The following PPIP5K2 variants were observed in gnomAD, a reference collection of about 807,000 sequenced individuals.
The protein encoded by PPIP5K2 is inositol hexakisphosphate and diphosphoinositol-pentakisphosphate kinase 2.
In PPIP5K2, 105 loss-of-function variants were observed where a neutral mutation model predicts 154.6. The observed-to-expected ratio is 0.68, with a 90% CI of 0.58 to 0.80. PPIP5K2 has a LOEUF of 0.80. Among genes scored for constraint, PPIP5K2 ranks in the 30% least tolerant of loss-of-function variants. The pLI, the probability that PPIP5K2 is intolerant of heterozygous loss-of-function variation, is 0.00. For missense variants in PPIP5K2, 992 were observed against 1,504.6 expected, an observed-to-expected ratio of 0.66 and a Z score of 5.64; for synonymous variants, 480 against 490.3, an observed-to-expected ratio of 0.98 and a Z score of 0.28.
chr5:103,201,833 T>G lies in PPIP5K2; in HGVS notation c.*199T>G. 2 of 521,238 alleles carry G rather than the reference T, an allele frequency of 3.8e-6. No homozygotes were observed. The highest frequency in any genetic ancestry group is 3.4e-5 in the East Asian group (1 of 29,182). 32.3% of individuals were successfully genotyped at this position (521,238 alleles called of 1,614,324 possible). On this transcript the variant is annotated 3_prime_UTR_variant, in exon 31 of 31. Coordinates refer to ENST00000358359, the MANE Select transcript of PPIP5K2 (RefSeq NM_001276277.3). ...AGCATTCTGTGAGCAGCAAAACTTA[T>G]AGTGATAAAAATCGATTGTTGTTAA...
chr5:103,194,806 C>A, intron 29 of PPIP5K2, 94 bp from the exon 30 acceptor site: 1 of 1,348,088 alleles, frequency 7.4e-7, no homozygotes, highest in Non-Finnish European at 1.0e-6. Context: ...TATGAATATT[C>A]GTAGGGTCAC....
intron 29 of PPIP5K2, among the ~76,000 whole-genome samples, chr5:103,193,671 C>CT (rs1249456353): frequency 6.6e-6 from 1 of 152,014 alleles, no homozygotes; most frequent in African/African-American, 2.4e-5. Context: ...TTAGTGACTA[C>CT]TTTTTATTTT....
intron 17 of PPIP5K2, among the ~76,000 whole-genome samples, chr5:103,162,420 TGGTGTGA>T (rs2149636715): frequency 6.6e-6 from 1 of 151,672 alleles, no homozygotes; most frequent in Admixed American, 6.6e-5. Context: ...GGGAGTGCAG[TGGTGTGA>T]TCATAGCTCA....
At chr5:103,143,468 C>A (rs1793191996) in intron 5 of PPIP5K2, among the ~76,000 whole-genome samples, 2 of 152,106 alleles carry the variant, frequency 1.3e-5, no homozygotes, top group African/African-American at 4.8e-5. Flanking sequence ...GACCATCATG[C>A]CCCGGCAGAA....
At chr5:103,176,981 A>ATCAACAAGTATCC in intron 21 of PPIP5K2, 1 of 1,183,114 alleles carries the variant, frequency 8.5e-7, no homozygotes, top group Non-Finnish European at 1.2e-6. Context: ...TAATAGGGAT[A>ATCAACAAGTATCC]CTTGTTGATA....
intron 23 of PPIP5K2, 69 bp downstream of exon 23, chr5:103,178,049 A>T: frequency 1.0e-6 from 1 of 962,636 alleles, no homozygotes; most frequent in East Asian, 2.4e-5. Context: ...TCTATAAGAG[A>T]TTTTTATAAT....
intron 5 of PPIP5K2, among the ~76,000 whole-genome samples, chr5:103,145,271 A>T (rs1793571256): frequency 6.6e-6 from 1 of 152,234 alleles, no homozygotes; most frequent in East Asian, 1.9e-4. Flanking sequence ...GTTTGTGAGG[A>T]TGTGGAGAAA....
At chr5:103,197,254 T>C (rs1233907580) in intron 30 of PPIP5K2, among the ~76,000 whole-genome samples, 1 of 152,132 alleles carries the variant, frequency 6.6e-6, no homozygotes, top group African/African-American at 2.4e-5. Context: ...GATTTTTGTT[T>C]CTTCCTTGAA....
intron 19 of PPIP5K2, among the ~76,000 whole-genome samples, chr5:103,169,142 G>T (rs535718669): frequency 6.6e-6 from 1 of 151,922 alleles, no homozygotes; most frequent in African/African-American, 2.4e-5. Context: ...TAACTAAAAT[G>T]CAATTAAGCA....
At chr5:103,123,471 C>T (rs1562352090) in intron 1 of PPIP5K2, among the ~76,000 whole-genome samples, 1 of 152,208 alleles carries the variant, frequency 6.6e-6, no homozygotes, top group Non-Finnish European at 1.5e-5. Context: ...ACAAGCCCTA[C>T]AGGTGATTCT....
chr5:103,179,822 C>T (rs1799236360), intron 23 of PPIP5K2, among the ~76,000 whole-genome samples, 199 bp from the exon 24 acceptor site: 1 of 151,996 alleles, frequency 6.6e-6, no homozygotes, highest in Admixed American at 6.6e-5. Context: ...TATTTTTGAA[C>T]TCAGAGACTC....
At chr5:103,165,047 A>G (rs530753396) in intron 17 of PPIP5K2, among the ~76,000 whole-genome samples, 1 of 152,212 alleles carries the variant, frequency 6.6e-6, no homozygotes, top group Admixed American at 6.6e-5. Context: ...GGAAAAGATA[A>G]TAATAGATGC....
intron 25 of PPIP5K2, 91 bp downstream of exon 25, chr5:103,183,498 C>A: frequency 9.3e-7 from 1 of 1,077,146 alleles, no homozygotes. Flanking sequence ...CCTTGTATTT[C>A]ACATCAGAGT....
chr5:103,122,236 A>G (rs1788892922), intron 1 of PPIP5K2, among the ~76,000 whole-genome samples: 1 of 152,220 alleles, frequency 6.6e-6, no homozygotes, highest in Admixed American at 6.5e-5. Flanking sequence ...TGGGGAGGAA[A>G]AAACCCAACC....
intron 23 of PPIP5K2, among the ~76,000 whole-genome samples, chr5:103,179,374 G>A (rs561106953): frequency 1.3e-5 from 2 of 151,920 alleles, no homozygotes; most frequent in African/African-American, 2.4e-5. Flanking sequence ...ATGGTCCAAC[G>A]TATGCATTAT....
intron 19 of PPIP5K2, 47 bp from the exon 20 acceptor site, chr5:103,173,108 A>C (rs782359138): frequency 2.7e-6 from 4 of 1,474,092 alleles, no homozygotes; most frequent in Non-Finnish European, 3.7e-6. Context: ...TTTTTAGAGT[A>C]CTTTGTCATT....
chr5:103,137,100 T>C (rs531790411), intron 4 of PPIP5K2, among the ~76,000 whole-genome samples: 3 of 152,288 alleles, frequency 2.0e-5, no homozygotes, highest in South Asian at 4.1e-4. Context: ...CCATTCAAAC[T>C]TATGAGCACT....
chr5:103,195,026 G>C lies in PPIP5K2; in HGVS notation c.3619+1G>C, dbSNP rs371558175. ...AGCACTAAAGCAAGCAGCAAACCAG[G>C]TAAGGGGTGTGTGTGTTGAGTTTGT... On this transcript the variant is annotated splice_donor_variant, in intron 30 of 30. Transcript: ENST00000358359. LOFTEE classifies it high-confidence loss of function. 2 of 1,611,682 alleles carry C rather than the reference G, an allele frequency of 1.2e-6. No homozygotes were observed. The highest frequency in any genetic ancestry group is 1.3e-5 in the African/African-American group (1 of 74,770).
At chr5:103,162,642 C>A (rs1394320332) in intron 17 of PPIP5K2, among the ~76,000 whole-genome samples, 1 of 152,120 alleles carries the variant, frequency 6.6e-6, no homozygotes, top group South Asian at 2.1e-4. Flanking sequence ...GAATTACAGG[C>A]ATGAGCCACC....
Sources: allele counts gnomAD v4.1 joint callset (sites outside exome capture counted in the v4.1 genomes callset), GRCh38; gene constraint gnomAD v4.1.1; transcripts MANE v1.5; gene names NCBI Gene and HGNC (gene_info 2026-07-23, HGNC 2026-07-21).